The following STX3 variants were observed in gnomAD, a reference collection of about 807,000 sequenced individuals.
STX3 encodes the protein syntaxin 3.
A neutral mutation model predicts 40.2 loss-of-function variants in STX3; 19 were observed. That is an observed-to-expected ratio of 0.47 (90% CI 0.33 to 0.69). The LOEUF is 0.69. STX3 is among the 30% of genes least tolerant of loss of function. The pLI is 0.02. For synonymous variants in STX3, 122 were observed against 132.2 expected (o/e 0.92, Z 0.53); for missense variants, 364 against 366.7 (o/e 0.99, Z 0.06).
intron 1 of STX3, among the ~76,000 whole-genome samples, chr11:59,758,747 T>G (rs1356127098): frequency 6.6e-6 from 1 of 152,256 alleles, no homozygotes; most frequent in Non-Finnish European, 1.5e-5. Flanking sequence ...TTTCTCTGAC[T>G]TCTCAGCAGC....
chr11:59,794,850 A>G (rs1187524601), intron 8 of STX3, among the ~76,000 whole-genome samples: 1 of 152,232 alleles, frequency 6.6e-6, no homozygotes, highest in Non-Finnish European at 1.5e-5. Context: ...AATAACTTAG[A>G]GAAAGCAAAT....
At chr11:59,786,707 C>CTAAG (rs1864800004) in intron 2 of STX3, among the ~76,000 whole-genome samples, 1 of 152,048 alleles carries the variant, frequency 6.6e-6, no homozygotes, top group African/African-American at 2.4e-5. Context: ...GCTCTGCCTG[C>CTAAG]TAAGGTCTGC....
chr11:59,755,200 TC>T, upstream of STX3: 1 of 162,946 alleles, frequency 6.1e-6, no homozygotes, highest in Non-Finnish European at 1.3e-5. Context: ...CAGGGGCCTC[TC>T]CCCGGACTCC....
intron 4 of STX3, 138 bp from the exon 5 acceptor site, chr11:59,790,381 G>C: frequency 1.5e-6 from 1 of 675,718 alleles, no homozygotes; most frequent in Non-Finnish European, 2.7e-6. Flanking sequence ...TCATCTGGGA[G>C]CTGACCTTTT....
chr11:59,762,384 G>T (rs1863081459), intron 1 of STX3, among the ~76,000 whole-genome samples: 2 of 152,226 alleles, frequency 1.3e-5, no homozygotes, highest in Non-Finnish European at 1.5e-5. Context: ...TTATGCATTA[G>T]TTTTCTCAGC....
intron 1 of STX3, among the ~76,000 whole-genome samples, chr11:59,768,548 A>G (rs1863398904): frequency 6.6e-6 from 1 of 152,216 alleles, no homozygotes; most frequent in South Asian, 2.1e-4. Flanking sequence ...TGGTATTAAG[A>G]AAGCCCAGGA....
intron 2 of STX3, among the ~76,000 whole-genome samples, chr11:59,774,289 A>G (rs189765995): frequency 3.1e-4 from 47 of 152,160 alleles, no homozygotes; most frequent in Middle Eastern, 6.8e-3. Flanking sequence ...TTCCTTAACA[A>G]TCTGTGTCTG....
intron 10 of STX3, among the ~76,000 whole-genome samples, chr11:59,798,250 C>T (rs2135040580): frequency 6.6e-6 from 1 of 151,940 alleles, no homozygotes; most frequent in South Asian, 2.1e-4. Flanking sequence ...CTCTATCTCC[C>T]AGCCTGGGGT....
At chr11:59,796,023 A>G (rs1865499229) in intron 9 of STX3, among the ~76,000 whole-genome samples, 1 of 152,148 alleles carries the variant, frequency 6.6e-6, no homozygotes, top group African/African-American at 2.4e-5. Context: ...CAGATGTTAC[A>G]CTTGACTCCT....
intron 9 of STX3, 78 bp downstream of exon 9, chr11:59,795,560 GTC>G: frequency 1.9e-6 from 3 of 1,550,028 alleles, no homozygotes; most frequent in Non-Finnish European, 1.7e-6. Context: ...CCCTCTCCCT[GTC>G]TCTGTTTCTG....
At chr11:59,769,829 C>T (rs1400796584) in intron 1 of STX3, among the ~76,000 whole-genome samples, 2 of 148,448 alleles carry the variant, frequency 1.3e-5, no homozygotes, top group African/African-American at 2.5e-5. Context: ...ATAGTGTACA[C>T]GTGTGTGTGT....
At chr11:59,781,580 A>G (rs1428296325) in intron 2 of STX3, 38 of 1,613,880 alleles carry the variant, frequency 2.4e-5, no homozygotes, top group Middle Eastern at 3.3e-4. Context: ...TTTTACCATC[A>G]CAAGTGATGA....
intron 1 of STX3, among the ~76,000 whole-genome samples, chr11:59,756,794 A>C (rs1862738649): frequency 6.6e-6 from 1 of 152,258 alleles, no homozygotes; most frequent in African/African-American, 2.4e-5. Flanking sequence ...AAGATGCTTA[A>C]GAACACTTTT....
Position 59,759,466 on chromosome 11 carries a change from T to G in STX3, c.30+3831T>G, listed in dbSNP as rs80308076. On this transcript the variant is annotated intron_variant, in intron 1 of 10. Coordinates refer to ENST00000337979, the MANE Select transcript of STX3 (RefSeq NM_004177.5). Reference sequence around the variant, plus strand: ...TTGACAAAGTCCTAGTATCAAAGGGTAAATGATCACATAGGGAAGACAAAG... The same window carrying G: ...TTGACAAAGTCCTAGTATCAAAGGGGAAATGATCACATAGGGAAGACAAAG... 9.1e-3 allele frequency among the ~76,000 whole-genome samples: 1,379 copies of G among 152,178 alleles called. 14 individuals carry two copies. The highest frequency in any genetic ancestry group is 0.022 in the African/African-American group (893 of 41,512).
At chr11:59,793,559 C>G (rs1387830718) in intron 8 of STX3, 45 bp downstream of exon 8, 1 of 1,592,796 alleles carries the variant, frequency 6.3e-7, no homozygotes, top group East Asian at 2.2e-5. Context: ...GAGAGGAAAG[C>G]TCAGGGTCTA....
Position 59,801,722 on chromosome 11 carries a change from C to T in STX3, c.*898C>T, listed in dbSNP as rs1275741590. Reference sequence around the variant, plus strand: ...ATTTCATGACACTGGTGTATTCACTCATGTGTTCCAGATGTATTCTAATTG... The same window carrying T: ...ATTTCATGACACTGGTGTATTCACTTATGTGTTCCAGATGTATTCTAATTG... On this transcript the variant is annotated 3_prime_UTR_variant, in exon 11 of 11. Coordinates refer to ENST00000337979, the MANE Select transcript of STX3 (RefSeq NM_004177.5). The T allele has an allele frequency of 1.0e-6, 1 of 985,420 alleles. No individual in the cohort carries two copies. Among genetic ancestry groups the T allele is most frequent in the African/African-American group, 1.8e-5 (1 of 57,100 alleles). The allele number at this position is 985,420 out of a possible 1,614,324, so 61.0% of individuals were successfully genotyped here.
chr11:59,794,812 C>G (rs1400031217), intron 8 of STX3, among the ~76,000 whole-genome samples: 3 of 152,140 alleles, frequency 2.0e-5, no homozygotes, highest in African/African-American at 7.2e-5. Flanking sequence ...TTGGGTAAAC[C>G]CAATGTCTGT....
At position 59,805,696 on chromosome 11, in the gene STX3, G is replaced by C. The variant is rs1424271087; in HGVS notation, c.*4872G>C. ...TAGATTCTGCAGGGGCACAAACATA[G>C]AGCCAAACACTCTCCCTCTTGGAGA... On this transcript the variant is annotated 3_prime_UTR_variant, in exon 11 of 11. Coordinates refer to ENST00000337979, the MANE Select transcript of STX3 (RefSeq NM_004177.5). The C allele has an allele frequency of 6.6e-6, 1 of 152,468 alleles. No individual in the cohort carries two copies. The highest frequency in any genetic ancestry group is 2.4e-5 in the African/African-American group (1 of 41,434). The allele number at this position is 152,468 out of a possible 1,614,324, so 9.4% of individuals were successfully genotyped here.
Position 59,805,803 on chromosome 11 carries a change from C to T in STX3, c.*4979C>T, listed in dbSNP as rs536774067. ...TAAAAGGCAAAGGGTATGTTCCTTG[C>T]CTATTGTCCAACATACCCCTTCCAA... On this transcript the variant is annotated 3_prime_UTR_variant, in exon 11 of 11. Transcript: ENST00000337979. The T allele has an allele frequency of 1.3e-5, 2 of 153,178 alleles. No individual in the cohort carries two copies. The highest frequency in any genetic ancestry group is 1.5e-5 in the Non-Finnish European group (1 of 68,656). The allele number at this position is 153,178 out of a possible 1,614,324, so 9.5% of individuals were successfully genotyped here.
Sources: allele counts gnomAD v4.1 joint callset (sites outside exome capture counted in the v4.1 genomes callset), GRCh38; gene constraint gnomAD v4.1.1; transcripts MANE v1.5; gene names NCBI Gene and HGNC (gene_info 2026-07-23, HGNC 2026-07-21).